The following C9orf85 variants were observed in gnomAD, a reference collection of about 807,000 sequenced individuals.
C9orf85 encodes the protein uncharacterized protein C9orf85.
In C9orf85, 16 loss-of-function variants were observed where a neutral mutation model predicts 14.9. The ratio of observed to expected loss-of-function variants is 1.08; its 90% CI spans 0.73 to 1.63. C9orf85 has a LOEUF of 1.63. C9orf85 is among the 40% of genes most tolerant of loss of function. The pLI is 0.00. For synonymous variants in C9orf85, 45 were observed against 56.8 expected (o/e 0.79, Z 0.93); for missense variants, 172 against 186.1 (o/e 0.92, Z 0.44).
At chr9:71,941,572 G>A (rs1821930479) in intron 1 of C9orf85, among the ~76,000 whole-genome samples, 2 of 152,180 alleles carry the variant, frequency 1.3e-5, no homozygotes, top group Admixed American at 6.5e-5. Flanking sequence ...AATCCAGAAT[G>A]TAGGATATTC....
intron 3 of C9orf85, among the ~76,000 whole-genome samples, chr9:71,980,554 A>G (rs1823081414): frequency 6.6e-6 from 1 of 152,174 alleles, no homozygotes; most frequent in African/African-American, 2.4e-5. Context: ...TGATTTTTAA[A>G]ACTATATTAT....
intron 2 of C9orf85, among the ~76,000 whole-genome samples, chr9:71,957,283 A>C (rs1199423272): frequency 6.6e-6 from 1 of 152,216 alleles, no homozygotes; most frequent in African/African-American, 2.4e-5. Flanking sequence ...GATGAAGTTC[A>C]TATCAGTTGT....
chr9:71,932,282 T>C (rs778576189), intron 1 of C9orf85, among the ~76,000 whole-genome samples: 5 of 152,140 alleles, frequency 3.3e-5, no homozygotes, highest in African/African-American at 1.2e-4. Context: ...ATTATTTTCA[T>C]AGAAGCTCAT....
At chr9:71,948,548 G>A (rs1017302303) in intron 2 of C9orf85, among the ~76,000 whole-genome samples, 22 of 151,770 alleles carry the variant, frequency 1.4e-4, no homozygotes, top group Non-Finnish European at 2.1e-4. Context: ...TTGAGATAGG[G>A]TCTCACTGTG....
At chr9:71,920,890 C>G (rs1204605656) in intron 1 of C9orf85, among the ~76,000 whole-genome samples, 1 of 152,048 alleles carries the variant, frequency 6.6e-6, no homozygotes, top group African/African-American at 2.4e-5. Flanking sequence ...CTTAATGGAC[C>G]CCCCCTTTCA....
At chr9:71,918,289 T>C (rs80272713) in intron 1 of C9orf85, 5,378 of 413,358 alleles carry the variant, frequency 0.013, 119 homozygotes, top group African/African-American at 0.067. Flanking sequence ...ATTATATTAG[T>C]GTTCCTATTT....
chr9:71,917,244 A>G (rs754428933), intron 1 of C9orf85, among the ~76,000 whole-genome samples: 2 of 152,244 alleles, frequency 1.3e-5, no homozygotes, highest in African/African-American at 2.4e-5. Context: ...AATACTAAAC[A>G]TTGCTTGTTT....
intron 1 of C9orf85, among the ~76,000 whole-genome samples, chr9:71,937,624 T>G (rs1252118947): frequency 6.6e-6 from 1 of 152,200 alleles, no homozygotes; most frequent in African/African-American, 2.4e-5. Flanking sequence ...AGTATATACT[T>G]TCACTTCTCA....
At chr9:71,950,963 A>G (rs1822229243) in intron 2 of C9orf85, among the ~76,000 whole-genome samples, 2 of 152,180 alleles carry the variant, frequency 1.3e-5, no homozygotes, top group African/African-American at 4.8e-5. Context: ...GCAAATTTCC[A>G]TTTGTTCGTG....
At chr9:71,931,576 T>C (rs1316621833) in intron 1 of C9orf85, among the ~76,000 whole-genome samples, 1 of 152,156 alleles carries the variant, frequency 6.6e-6, no homozygotes, top group Non-Finnish European at 1.5e-5. Flanking sequence ...GTCAGAGGCG[T>C]GGCCTTGAGC....
intron 2 of C9orf85, among the ~76,000 whole-genome samples, chr9:71,966,805 G>A (rs73475969): frequency 0.014 from 2,084 of 152,300 alleles, 38 homozygotes; most frequent in African/African-American, 0.047. Flanking sequence ...ACAGGTGGTA[G>A]CCCCACAGGG....
intron 2 of C9orf85, among the ~76,000 whole-genome samples, chr9:71,952,013 G>A (rs1314626123): frequency 6.6e-6 from 1 of 152,052 alleles, no homozygotes; most frequent in African/African-American, 2.4e-5. Context: ...AAATATAAAT[G>A]TTTAAAAGAT....
chr9:71,939,006 A>G (rs903650564), intron 1 of C9orf85, among the ~76,000 whole-genome samples: 3 of 151,794 alleles, frequency 2.0e-5, no homozygotes, highest in African/African-American at 7.2e-5. Flanking sequence ...GTAAATATAT[A>G]CTTGAAGTGC....
chr9:71,948,138 A>G (rs193265628), intron 2 of C9orf85, among the ~76,000 whole-genome samples: 16 of 152,372 alleles, frequency 1.1e-4, no homozygotes, highest in East Asian at 5.8e-4. Flanking sequence ...TTGGTAATCT[A>G]TATAGTAGCT....
intron 2 of C9orf85, among the ~76,000 whole-genome samples, chr9:71,962,830 C>T (rs1467679076): frequency 3.3e-5 from 5 of 152,172 alleles, no homozygotes; most frequent in African/African-American, 9.6e-5. Flanking sequence ...CCGAGGCAGG[C>T]GGATCACTTG....
At chr9:71,942,188 G>A (rs4745137) in intron 1 of C9orf85, among the ~76,000 whole-genome samples, 147,421 of 152,312 alleles carry the variant, frequency 0.97, 71,529 homozygotes, top group East Asian at 1. Context: ...TTTTGGCATT[G>A]TAACACTGGC....
downstream of C9orf85, among the ~76,000 whole-genome samples, chr9:71,974,603 A>G (rs1281638527): frequency 1.3e-5 from 2 of 152,148 alleles, no homozygotes; most frequent in Non-Finnish European, 2.9e-5. Context: ...TTCCTGTTAC[A>G]TCAATACTAG....
chr9:71,924,007 C>G (rs1484597793), intron 1 of C9orf85, among the ~76,000 whole-genome samples: 1 of 152,174 alleles, frequency 6.6e-6, no homozygotes, highest in African/African-American at 2.4e-5. Flanking sequence ...TGACCAGGCT[C>G]TTTTCAGAAA....
At chr9:71,946,534 C>T (rs1411251259) in intron 1 of C9orf85, among the ~76,000 whole-genome samples, 3 of 152,126 alleles carry the variant, frequency 2.0e-5, no homozygotes, top group African/African-American at 7.2e-5. Flanking sequence ...GTGGCTCATG[C>T]CTGTAATCCC....
Sources: gnomAD v4.1 joint callset for allele counts (sites outside exome capture counted in the v4.1 genomes callset) on GRCh38, gnomAD v4.1.1 for gene constraint, MANE v1.5 for transcripts, NCBI Gene and HGNC (gene_info 2026-07-23, HGNC 2026-07-21) for gene names.